The following VWA3B variants were observed in gnomAD, a reference collection of about 807,000 sequenced individuals.
VWA3B encodes the protein von Willebrand factor A domain-containing protein 3B.
A neutral mutation model predicts 158.3 loss-of-function variants in VWA3B; 138 were observed. The observed-to-expected ratio is 0.87, with a 90% CI of 0.76 to 1.00. The LOEUF is 1.00. Ranked by LOEUF, VWA3B falls within the 50% of genes least tolerant of loss-of-function variation. The probability of loss-of-function intolerance (pLI) is 0.00; values close to 1 mark genes in which losing one functional copy is unlikely to be tolerated. For missense variants in VWA3B, 1,555 were observed against 1,565.1 expected, an observed-to-expected ratio of 0.99 and a Z score of 0.11; for synonymous variants, 596 against 587.3, an observed-to-expected ratio of 1.01 and a Z score of -0.21.
intron 22 of VWA3B, among the ~76,000 whole-genome samples, chr2:98,287,956 TA>T (rs1689262137): frequency 6.6e-6 from 1 of 152,218 alleles, no homozygotes; most frequent in Admixed American, 6.5e-5. Flanking sequence ...ATTTCACTTC[TA>T]AAATTTCCAT....
Position 98,298,008 on chromosome 2 carries a change from G to T in VWA3B, c.3259G>T (p.Ala1087Ser). Residue 1087 changes from alanine (A) to serine (S), a missense_variant, in exon 24 of 28, where the codon GCC (alanine) becomes TCC (serine). Ala to Ser is a moderately conservative substitution (Grantham distance 99, BLOSUM62 1). Coordinates refer to ENST00000477737, the MANE Select transcript of VWA3B (RefSeq NM_144992.5). ...CTCCTTCATCACGCCTGTGGGGGGC[G>T]CCATGCCCTGCCCGCTGCTCCAGGT... Reference protein sequence around the residue: ...STSFITPVGGAMPCPLLQVGD... With the variant: ...STSFITPVGGSMPCPLLQVGD... 2 of 1,572,336 alleles carry T rather than the reference G, an allele frequency of 1.3e-6. No individual in the cohort carries two copies. The highest frequency in any genetic ancestry group is 1.2e-5 in the South Asian group (1 of 84,960).
intron 2 of VWA3B, among the ~76,000 whole-genome samples, chr2:98,100,518 T>C (rs955044193): frequency 6.6e-6 from 1 of 152,216 alleles, no homozygotes; most frequent in Non-Finnish European, 1.5e-5. Flanking sequence ...CCTGTCACTG[T>C]GGGTTATTTT....
intron 8 of VWA3B, among the ~76,000 whole-genome samples, chr2:98,173,891 C>T (rs7370560): frequency 0.33 from 49,752 of 151,532 alleles, 10,406 homozygotes; most frequent in East Asian, 0.64. Flanking sequence ...TGCTTGAACT[C>T]GGGAGGCGGA....
At chr2:98,300,941 G>A (rs1017107578) in intron 25 of VWA3B, among the ~76,000 whole-genome samples, 2 of 152,242 alleles carry the variant, frequency 1.3e-5, no homozygotes, top group South Asian at 2.1e-4. Context: ...GAGACATAAG[G>A]GCGGACAGGC....
At chr2:98,158,716 T>G (rs1402118842) in intron 7 of VWA3B, among the ~76,000 whole-genome samples, 1 of 86,586 alleles carries the variant, frequency 1.2e-5, no homozygotes, top group Non-Finnish European at 2.2e-5. Context: ...TTCCTGGGGG[T>G]GGTGGAGTCA....
chr2:98,177,651 G>A (rs1030692450), intron 8 of VWA3B, among the ~76,000 whole-genome samples: 8 of 151,654 alleles, frequency 5.3e-5, no homozygotes, highest in Non-Finnish European at 1.2e-4. Context: ...CTCTATGAAA[G>A]TTCAGGTGGC....
chr2:98,204,852 G>A (rs1682882108), intron 12 of VWA3B, among the ~76,000 whole-genome samples: 1 of 152,194 alleles, frequency 6.6e-6, no homozygotes, highest in Non-Finnish European at 1.5e-5. Context: ...GGTCACATCT[G>A]TAATCCCAGC....
intron 5 of VWA3B, among the ~76,000 whole-genome samples, chr2:98,126,919 T>C (rs1053208089): frequency 4.1e-5 from 6 of 148,032 alleles, no homozygotes; most frequent in African/African-American, 1.5e-4. Flanking sequence ...CTGCTCCATC[T>C]GCTGCAGGCA....
intron 26 of VWA3B, among the ~76,000 whole-genome samples, chr2:98,311,543 T>A (rs1690894324): frequency 6.6e-6 from 1 of 152,174 alleles, no homozygotes; most frequent in African/African-American, 2.4e-5. Context: ...GCTTTTGGGC[T>A]GGGAGTTGTT....
chr2:98,224,639 G>C (rs1170263119), intron 14 of VWA3B, among the ~76,000 whole-genome samples: 1 of 151,702 alleles, frequency 6.6e-6, no homozygotes, highest in African/African-American at 2.4e-5. Context: ...GACAAACAGA[G>C]GAATGAGAAA....
chr2:98,199,912 T>C (rs2105465849), intron 12 of VWA3B, among the ~76,000 whole-genome samples: 1 of 152,312 alleles, frequency 6.6e-6, no homozygotes, highest in Middle Eastern at 3.4e-3. Context: ...ATGTTTAACT[T>C]TATAAGAAAC....
the VWA3B span, among the ~76,000 whole-genome samples, chr2:98,322,489 G>C: frequency 3.2e-3 from 493 of 152,268 alleles, no homozygotes; most frequent in African/African-American, 0.011. Context: ...CTGATTCCTA[G>C]CTAGCCCCTA....
At chr2:98,246,045 G>A (rs1004950899) in intron 19 of VWA3B, among the ~76,000 whole-genome samples, 3 of 151,948 alleles carry the variant, frequency 2.0e-5, no homozygotes, top group Non-Finnish European at 4.4e-5. Context: ...TTTCTCTTCA[G>A]TTTTCTAAAT....
At chr2:98,328,379 G>A in the VWA3B span, among the ~76,000 whole-genome samples, 1 of 151,998 alleles carries the variant, frequency 6.6e-6, no homozygotes, top group African/African-American at 2.4e-5. Flanking sequence ...AAAAAGAAAA[G>A]GCATAAAGAT....
At chr2:98,300,594 G>A (rs1690116775) in intron 25 of VWA3B, among the ~76,000 whole-genome samples, 1 of 151,924 alleles carries the variant, frequency 6.6e-6, no homozygotes, top group South Asian at 2.1e-4. Flanking sequence ...GTCCCCTGCT[G>A]GCCCTGCAGA....
At chr2:98,241,095 C>T (rs903186235) in intron 19 of VWA3B, among the ~76,000 whole-genome samples, 6 of 152,036 alleles carry the variant, frequency 3.9e-5, no homozygotes, top group Admixed American at 3.9e-4. Flanking sequence ...CAGGAGATGT[C>T]CCTCACCTGG....
At chr2:98,092,284 G>A (rs1682358057) in intron 1 of VWA3B, among the ~76,000 whole-genome samples, 1 of 152,226 alleles carries the variant, frequency 6.6e-6, no homozygotes, top group Non-Finnish European at 1.5e-5. Flanking sequence ...CAGATGTGTA[G>A]TGAAGGTTCT....
chr2:98,329,894 G>A, the VWA3B span, among the ~76,000 whole-genome samples: 3 of 152,150 alleles, frequency 2.0e-5, no homozygotes, highest in Admixed American at 6.5e-5. Flanking sequence ...CTTCCTGACT[G>A]CCTGCCCCAC....
At chr2:98,306,604 T>C (rs536500854) in intron 26 of VWA3B, among the ~76,000 whole-genome samples, 13 of 152,356 alleles carry the variant, frequency 8.5e-5, no homozygotes, top group Non-Finnish European at 1.8e-4. Flanking sequence ...TTCTGGTTCC[T>C]ATGATGTCCA....
Sources: gnomAD v4.1 joint callset for allele counts (sites outside exome capture counted in the v4.1 genomes callset) on GRCh38, gnomAD v4.1.1 for gene constraint, MANE v1.5 for transcripts, NCBI Gene and HGNC (gene_info 2026-07-23, HGNC 2026-07-21) for gene names.